KDM4B: variants seen among roughly 807,000 people sequenced by gnomAD.
The protein encoded by KDM4B is lysine-specific demethylase 4B.
Under a neutral mutation model 125.2 loss-of-function variants are expected in KDM4B, and 32 were observed. The ratio of observed to expected loss-of-function variants is 0.26; its 90% CI spans 0.19 to 0.34. The LOEUF (loss-of-function observed/expected upper bound fraction) is 0.34. Ranked by LOEUF, KDM4B falls within the 10% of genes least tolerant of loss-of-function variation. KDM4B has a pLI of 1.00. For synonymous variants in KDM4B, 721 were observed against 677.9 expected (o/e 1.06, Z -0.99); for missense variants, 1,190 against 1,577.7 (o/e 0.75, Z 4.16).
At chr19:5,145,946 C>T (rs574607694) in intron 21 of KDM4B, among the ~76,000 whole-genome samples, 13 of 152,346 alleles carry the variant, frequency 8.5e-5, no homozygotes, top group African/African-American at 1.9e-4. Context: ...GTCCCGAGGC[C>T]GCATTAAGGA....
intron 7 of KDM4B, among the ~76,000 whole-genome samples, chr19:5,072,870 G>T (rs775802901): frequency 6.6e-6 from 1 of 152,170 alleles, no homozygotes; most frequent in East Asian, 1.9e-4. Context: ...TCTAGAGGCC[G>T]CCCGCATTCC....
At chr19:4,990,993 C>T (rs920714979) in intron 1 of KDM4B, among the ~76,000 whole-genome samples, 5 of 152,056 alleles carry the variant, frequency 3.3e-5, no homozygotes, top group Admixed American at 6.6e-5. Context: ...TGATGGCGGG[C>T]GCCTGTAGTC....
intron 13 of KDM4B, 27 bp downstream of exon 13, chr19:5,132,034 C>T (rs747268029): frequency 1.9e-6 from 3 of 1,582,442 alleles, no homozygotes; most frequent in Non-Finnish European, 2.6e-6. Flanking sequence ...CAGGTCGGCT[C>T]TCATCAGCCC....
intron 1 of KDM4B, among the ~76,000 whole-genome samples, chr19:5,006,107 G>T (rs1298291558): frequency 6.6e-6 from 1 of 152,192 alleles, no homozygotes; most frequent in East Asian, 1.9e-4. Context: ...GGTGGCGGCG[G>T]CAGGGAGCCA....
At position 5,138,129 on chromosome 19, in the gene KDM4B, C is replaced by T. The variant is rs778383454; in HGVS notation, c.2550+59C>T. On this transcript the variant is annotated intron_variant, in intron 18 of 22. Coordinates refer to ENST00000159111, the MANE Select transcript of KDM4B (RefSeq NM_015015.3). ...TGCCTCTAGGGCTGCCGGCCATGCT[C>T]GGCTCCCCACCTGCGCGATCTGAAG... The T allele has an allele frequency of 1.3e-4, 166 of 1,323,990 alleles. 1 individual carries two copies. The highest frequency in any genetic ancestry group is 8.7e-4 in the Admixed American group (46 of 53,130). The allele number at this position is 1,323,990 out of a possible 1,614,324, so 82.0% of individuals were successfully genotyped here.
In KDM4B at chr19:5,041,242, G is replaced by T; in HGVS notation, c.423G>T (p.Leu141Phe). 1 of 1,611,136 alleles carries T rather than the reference G, an allele frequency of 6.2e-7. No individual in the cohort carries two copies. The highest frequency in any genetic ancestry group is 8.5e-7 in the Non-Finnish European group (1 of 1,177,752). The change falls in exon 5 of 23, where the codon TTG becomes TTT. Residue 141 changes from leucine to phenylalanine, a missense_variant. This residue lies in a region of KDM4B where 139 missense variants were observed against 248.3 expected (regional missense o/e 0.56). Coordinates refer to ENST00000159111, the MANE Select transcript of KDM4B (RefSeq NM_015015.3). ...PIYGADISGS[L>F]YDDDVAQWNI... Reference sequence around the variant, plus strand: ...ACGGGGCTGACATCAGCGGCTCTTTGTATGATGACGTAAGTATGAGGCTCC... The same window carrying T: ...ACGGGGCTGACATCAGCGGCTCTTTTTATGATGACGTAAGTATGAGGCTCC...
chr19:5,082,570 G>A lies in KDM4B; in HGVS notation c.918+66G>A, dbSNP rs1411050614. ...GAGGAGGCTCTTTTTTGCCTCTGCA[G>A]CCACACGCCCATAGCTGGTCCAGCA... On this transcript the variant is annotated intron_variant, in intron 9 of 22. Coordinates refer to ENST00000159111, the MANE Select transcript of KDM4B (RefSeq NM_015015.3). This position sits in a 1 kb window ranked among gnomAD's most constrained non-coding sequence, Gnocchi z 5.4. 6.7e-7 allele frequency: 1 copy of A among 1,502,968 alleles called. No individual in the cohort carries two copies. Among genetic ancestry groups the A allele is most frequent in the Non-Finnish European group, 8.9e-7 (1 of 1,124,952 alleles). 93.1% of individuals were successfully genotyped at this position (1,502,968 alleles called of 1,614,324 possible). A position where few individuals can be genotyped will look rare whatever the true frequency, so the allele number is the denominator to read the frequency against.
intron 9 of KDM4B, among the ~76,000 whole-genome samples, chr19:5,107,167 C>T (rs1352911671): frequency 2.0e-5 from 3 of 152,236 alleles, no homozygotes; most frequent in Non-Finnish European, 4.4e-5. Context: ...GCTCTCAGGG[C>T]GGCCTCACCC....
rs558899313 is a variant in KDM4B at position 5,018,808 on chromosome 19, C to T, written c.-26+2469C>T. 1.1e-4 allele frequency among the ~76,000 whole-genome samples: 17 copies of T among 152,354 alleles called. No individual in the cohort carries two copies. The South Asian group carries it at 1.9e-3, about 17-fold the overall frequency. On this transcript the variant is annotated intron_variant, in intron 2 of 22. Transcript: ENST00000159111. ...TGGACATCTCATAGAAATGGGATCG[C>T]GCACTGTGTGGCCTTTTGTGCCTGG... is the stretch of plus-strand genomic sequence containing the variant.
At chr19:5,052,318 G>A (rs377356163) in intron 6 of KDM4B, among the ~76,000 whole-genome samples, 40 of 146,980 alleles carry the variant, frequency 2.7e-4, no homozygotes, top group African/African-American at 1.0e-3. Context: ...GTGCATGGGC[G>A]CATGTGTGCA....
intron 1 of KDM4B, among the ~76,000 whole-genome samples, chr19:4,991,192 A>T (rs1158735219): frequency 6.6e-6 from 1 of 152,186 alleles, no homozygotes; most frequent in Non-Finnish European, 1.5e-5. Context: ...GGTAGACAAC[A>T]TGGAATAACG....
chr19:5,045,479 T>C (rs2036996518), intron 5 of KDM4B, among the ~76,000 whole-genome samples: 1 of 152,086 alleles, frequency 6.6e-6, no homozygotes, highest in Non-Finnish European at 1.5e-5. Context: ...CTCCACTTCC[T>C]GGGTTCAATC....
At position 5,127,523 on chromosome 19, in the gene KDM4B, G is replaced by A. The variant is rs540418386; in HGVS notation, c.1316-3553G>A. 3.9e-4 allele frequency among the ~76,000 whole-genome samples: 60 copies of A among 152,342 alleles called. 2 individuals carry two copies. The highest frequency in any genetic ancestry group is 1.4e-3 in the African/African-American group (58 of 41,578). ...CAGGTGCGGGCTATGCGTGGAGTGCGTTGAGGCTGCCGCCATTGTCATTCA... is the reference window on the plus strand; with the variant it reads ...CAGGTGCGGGCTATGCGTGGAGTGCATTGAGGCTGCCGCCATTGTCATTCA... On this transcript the variant is annotated intron_variant, in intron 11 of 22. Transcript: ENST00000159111.
chr19:5,148,579 G>A (rs1210391514), intron 21 of KDM4B, among the ~76,000 whole-genome samples: 1 of 152,218 alleles, frequency 6.6e-6, no homozygotes, highest in Non-Finnish European at 1.5e-5. Context: ...CGGGGCCGGG[G>A]AGCTGGGGAA....
At chr19:4,970,975 G>C (rs2034237674) in intron 1 of KDM4B, among the ~76,000 whole-genome samples, 1 of 152,084 alleles carries the variant, frequency 6.6e-6, no homozygotes, top group African/African-American at 2.4e-5. Flanking sequence ...TCACCGCTGG[G>C]GAGGAAAAGG....
chr19:5,027,365 G>A (rs1023549423), intron 2 of KDM4B, among the ~76,000 whole-genome samples: 2 of 152,090 alleles, frequency 1.3e-5, no homozygotes, highest in Non-Finnish European at 2.9e-5. Context: ...GCCTCCCCGC[G>A]TGTCCCCAAG....
chr19:5,044,066 A>G (rs1408004865), intron 5 of KDM4B, among the ~76,000 whole-genome samples: 1 of 55,448 alleles, frequency 1.8e-5, no homozygotes, highest in African/African-American at 7.7e-5. Context: ...TGTCCACCTT[A>G]TCCCGCGTGG....
At chr19:5,047,243 G>A in intron 5 of KDM4B, 1 of 500,980 alleles carries the variant, frequency 2.0e-6, no homozygotes, top group East Asian at 3.2e-5. Context: ...GGTTGAGGCT[G>A]CAGTGAGCTA....
rs527795658 is a variant in KDM4B, at chr19:5,091,827, C to T, written c.918+9323C>T. 1.2e-4 allele frequency among the ~76,000 whole-genome samples: 19 copies of T among 152,268 alleles called. No homozygotes were observed. The South Asian group carries it at 2.1e-3, about 17-fold the overall frequency. ...CACTCCTCTGACCCGCTGGAGCCCA[C>T]GGCTGGCCTGTGCCCTGCCTTTGGC... On this transcript the variant is annotated intron_variant, in intron 9 of 22. Transcript: ENST00000159111.
Sources: allele counts gnomAD v4.1 joint callset (sites outside exome capture counted in the v4.1 genomes callset), GRCh38; gene constraint gnomAD v4.1.1; regional missense constraint gnomAD v4.1.1; non-coding constraint Gnocchi (gnomAD v3.1); transcripts MANE v1.5; gene names NCBI Gene and HGNC (gene_info 2026-07-23, HGNC 2026-07-21).